The following ELAPOR2 variants were observed in gnomAD, a reference collection of about 807,000 sequenced individuals.
ELAPOR2 encodes endosome/lysosome-associated apoptosis and autophagy regulator family member 2.
In ELAPOR2, 89 loss-of-function variants were observed where a neutral mutation model predicts 120.7. The observed-to-expected ratio is 0.74, with a 90% CI of 0.62 to 0.88. The LOEUF (loss-of-function observed/expected upper bound fraction) is 0.88, where lower values mean the gene tolerates loss of function less well. Ranked by LOEUF, ELAPOR2 falls within the 40% of genes least tolerant of loss-of-function variation. The pLI is 0.00. For synonymous variants in ELAPOR2, 444 were observed against 444.9 expected (o/e 1.00, Z 0.03); for missense variants, 1,134 against 1,251.6 (o/e 0.91, Z 1.42).
In ELAPOR2 at chr7:86,892,975, A is replaced by G. The variant is rs1788247584; in HGVS notation, c.2811T>C (p.Phe937=). The G allele has an allele frequency of 1.3e-6, 2 of 1,572,644 alleles. No individual in the cohort carries two copies. Among genetic ancestry groups the G allele is most frequent in the Admixed American group, 2.1e-5 (1 of 48,266 alleles). Reference sequence around the variant, plus strand: ...TCAGAGCCACCAGCAAAACGGCAGTAAAAGCTCCCACACCGGCTCCCACCT... The same window carrying G: ...TCAGAGCCACCAGCAAAACGGCAGTGAAAGCTCCCACACCGGCTCCCACCT... ...WLKVGAGVGA[F]TAVLLVALTC... Residue 937 remains phenylalanine, a synonymous_variant, in exon 20 of 22, where the codon TTT becomes TTC. Coordinates refer to ENST00000450689, the MANE Select transcript of ELAPOR2 (RefSeq NM_001142749.3).
At chr7:86,967,519 CT>C (rs1019630468) in intron 1 of ELAPOR2, among the ~76,000 whole-genome samples, 3 of 152,000 alleles carry the variant, frequency 2.0e-5, no homozygotes, top group African/African-American at 7.3e-5. Flanking sequence ...ATTCTGGCCC[CT>C]ATATATAAAA....
intron 4 of ELAPOR2, among the ~76,000 whole-genome samples, chr7:86,944,247 T>C (rs1432123390): frequency 6.6e-6 from 1 of 152,106 alleles, no homozygotes; most frequent in Non-Finnish European, 1.5e-5. Context: ...TTAGATACTG[T>C]TTATTACTAA....
chr7:87,040,979 G>A (rs1198991598), intron 1 of ELAPOR2, among the ~76,000 whole-genome samples: 1 of 152,018 alleles, frequency 6.6e-6, no homozygotes, highest in African/African-American at 2.4e-5. Flanking sequence ...GAAGCCTCAG[G>A]AGCCGATGCG....
chr7:86,911,835 C>G (rs921332976), intron 15 of ELAPOR2: 2 of 582,638 alleles, frequency 3.4e-6, no homozygotes, highest in Non-Finnish European at 6.2e-6. Context: ...TAGCTCCAAG[C>G]TTCAGGTTTC....
At chr7:87,040,518 C>T (rs1471761103) in intron 1 of ELAPOR2, among the ~76,000 whole-genome samples, 2 of 152,202 alleles carry the variant, frequency 1.3e-5, no homozygotes, top group Non-Finnish European at 2.9e-5. Context: ...ACACCTCACA[C>T]TGCAGGGTAT....
At chr7:87,001,148 G>A (rs962047356) in intron 1 of ELAPOR2, among the ~76,000 whole-genome samples, 2 of 152,126 alleles carry the variant, frequency 1.3e-5, no homozygotes, top group Non-Finnish European at 2.9e-5. Flanking sequence ...CCAGCTGATT[G>A]TGAGGAAGAA....
chr7:87,033,892 T>G (rs1048150977), intron 1 of ELAPOR2, among the ~76,000 whole-genome samples: 2 of 152,138 alleles, frequency 1.3e-5, no homozygotes, highest in Admixed American at 1.3e-4. Context: ...TATATCCACA[T>G]ACACAATAGA....
At position 86,909,474 on chromosome 7, in the gene ELAPOR2, A is replaced by C. The variant is rs188291938; in HGVS notation, c.2359+338T>G. ...GAAACTGGTGGCATATAAATAATTT[A>C]GGTGTAGTTGTGTTTGTTTACTATT... On this transcript the variant is annotated intron_variant, in intron 16 of 21. Transcript: ENST00000450689. 3.3e-4 allele frequency among the ~76,000 whole-genome samples: 50 copies of C among 152,224 alleles called. 1 individual carries two copies. In the East Asian group the frequency reaches 9.5e-3, roughly 29 times the overall value.
chr7:86,905,343 A>G (rs530619114), intron 18 of ELAPOR2, among the ~76,000 whole-genome samples: 9 of 151,972 alleles, frequency 5.9e-5, no homozygotes, highest in Non-Finnish European at 1.2e-4. Flanking sequence ...AAAACAAACA[A>G]ACAAAAAAAC....
At chr7:87,047,068 C>G (rs1794977487) in intron 1 of ELAPOR2, among the ~76,000 whole-genome samples, 3 of 152,088 alleles carry the variant, frequency 2.0e-5, no homozygotes, top group African/African-American at 7.2e-5. Context: ...GACAAAGGTA[C>G]CAAGAATATA....
At chr7:87,024,504 G>A (rs1356446794) in intron 1 of ELAPOR2, among the ~76,000 whole-genome samples, 4 of 152,086 alleles carry the variant, frequency 2.6e-5, no homozygotes, top group Non-Finnish European at 5.9e-5. Context: ...ATGTTCATCA[G>A]GGATATTGGT....
At chr7:86,925,097 T>A (rs960644809) in intron 10 of ELAPOR2, among the ~76,000 whole-genome samples, 6 of 151,986 alleles carry the variant, frequency 3.9e-5, no homozygotes, top group African/African-American at 1.4e-4. Flanking sequence ...ACTTTGTAAA[T>A]ACAATCATAG....
intron 11 of ELAPOR2, 74 bp downstream of exon 11, chr7:86,919,146 C>T (rs965814444): frequency 1.0e-6 from 1 of 996,678 alleles, no homozygotes; most frequent in African/African-American, 1.6e-5. Context: ...CATAAAGTAG[C>T]CCTACTTCTT....
chr7:87,027,964 T>C (rs1794298847), intron 1 of ELAPOR2, among the ~76,000 whole-genome samples: 1 of 152,154 alleles, frequency 6.6e-6, no homozygotes, highest in Non-Finnish European at 1.5e-5. Flanking sequence ...GACTGAAAAT[T>C]ATAAGTATGC....
chr7:86,998,420 G>A lies in ELAPOR2; in HGVS notation c.190-33396C>T, dbSNP rs956246753. On this transcript the variant is annotated intron_variant, in intron 1 of 21. Transcript: ENST00000450689. ...GACATGAGGTTCACCGATGTCAAGC[G>A]ATTTAGCTTAATGATGGTTATAGAG... is the stretch of plus-strand genomic sequence containing the variant. Among the ~76,000 whole-genome samples, 17 of 152,300 alleles carry A rather than the reference G, an allele frequency of 1.1e-4. 1 individual carries two copies. Among genetic ancestry groups the A allele is most frequent in the East Asian group, 7.7e-4 (4 of 5,192 alleles).
At chr7:87,046,128 T>A (rs1432960443) in intron 1 of ELAPOR2, among the ~76,000 whole-genome samples, 1 of 152,066 alleles carries the variant, frequency 6.6e-6, no homozygotes, top group Non-Finnish European at 1.5e-5. Context: ...CAAATCAACA[T>A]ACAAAAATCA....
chr7:86,983,500 C>G (rs1194834415), intron 1 of ELAPOR2, among the ~76,000 whole-genome samples: 5 of 152,188 alleles, frequency 3.3e-5, no homozygotes, highest in Non-Finnish European at 7.3e-5. Context: ...AGCAGAAACT[C>G]CACAAGCCAG....
chr7:87,002,764 C>G, intron 1 of ELAPOR2, among the ~76,000 whole-genome samples: 1 of 152,128 alleles, frequency 6.6e-6, no homozygotes, highest in East Asian at 1.9e-4. Context: ...CCCAGTCTTT[C>G]AGGATTTTGT....
intron 21 of ELAPOR2, among the ~76,000 whole-genome samples, chr7:86,881,687 C>T (rs1483588737): frequency 3.9e-5 from 6 of 152,034 alleles, no homozygotes; most frequent in African/African-American, 9.7e-5. Flanking sequence ...GTAGAGACAA[C>T]ATTTTGCCAT....
Sources: allele counts gnomAD v4.1 joint callset (sites outside exome capture counted in the v4.1 genomes callset), GRCh38; gene constraint gnomAD v4.1.1; transcripts MANE v1.5; gene names NCBI Gene and HGNC (gene_info 2026-07-23, HGNC 2026-07-21).